Variants in ODR4 observed in about 807,000 individuals in gnomAD.
The protein encoded by ODR4 is protein odr-4 homolog.
A neutral mutation model predicts 60.2 loss-of-function variants in ODR4; 47 were observed. That is an observed-to-expected ratio of 0.78 (90% CI 0.62 to 1.00). ODR4 has a LOEUF of 1.00. Among genes scored for constraint, ODR4 ranks in the 50% least tolerant of loss-of-function variants. The pLI is 0.00. For synonymous variants in ODR4, 178 were observed against 175.5 expected (o/e 1.01, Z -0.11); for missense variants, 488 against 530.8 (o/e 0.92, Z 0.79).
intron 12 of ODR4, among the ~76,000 whole-genome samples, chr1:186,412,824 T>G (rs1661423159): frequency 6.6e-6 from 1 of 151,326 alleles, no homozygotes; most frequent in Admixed American, 6.6e-5. Context: ...AAATGCTTTC[T>G]AAACAGAAAG....
intron 9 of ODR4, among the ~76,000 whole-genome samples, chr1:186,396,760 T>TAG (rs879338626): frequency 0.037 from 4,316 of 117,128 alleles, 83 homozygotes; most frequent in Non-Finnish European, 0.046. Flanking sequence ...TAGATAGATA[T>TAG]ATGTATATAC....
At chr1:186,381,284 C>A (rs535658545) in intron 2 of ODR4, among the ~76,000 whole-genome samples, 1 of 151,910 alleles carries the variant, frequency 6.6e-6, no homozygotes, top group South Asian at 2.1e-4. Context: ...AAAGCTCAGG[C>A]AAACTGCCAT....
At chr1:186,404,169 A>G (rs1661089170) in intron 11 of ODR4, among the ~76,000 whole-genome samples, 1 of 152,178 alleles carries the variant, frequency 6.6e-6, no homozygotes, top group East Asian at 1.9e-4. Context: ...CTTTATTCAG[A>G]TAATGTTGAA....
At chr1:186,416,334 G>A (rs1377555341) in intron 12 of ODR4, among the ~76,000 whole-genome samples, 5 of 152,110 alleles carry the variant, frequency 3.3e-5, no homozygotes, top group South Asian at 4.2e-4. Flanking sequence ...TCAGGAGTCC[G>A]AGACCAGCCT....
chr1:186,380,575 C>A (rs1388737374), intron 2 of ODR4, among the ~76,000 whole-genome samples: 70 of 129,724 alleles, frequency 5.4e-4, no homozygotes, highest in South Asian at 7.5e-4. Flanking sequence ...AGTACAAAGC[C>A]AAAAAAAAAA....
chr1:186,386,451 A>G (rs1176244888), intron 4 of ODR4, among the ~76,000 whole-genome samples: 1 of 152,154 alleles, frequency 6.6e-6, no homozygotes, highest in Non-Finnish European at 1.5e-5. Context: ...ACCATGACTA[A>G]TGACAGTAAT....
downstream of ODR4, among the ~76,000 whole-genome samples, chr1:186,426,041 T>G (rs1661875142): frequency 6.6e-6 from 1 of 152,204 alleles, no homozygotes. Context: ...ATGTTTTCCC[T>G]TTAGCAATTG....
At chr1:186,426,094 A>C (rs1661876007), downstream of ODR4, among the ~76,000 whole-genome samples, 1 of 152,144 alleles carries the variant, frequency 6.6e-6, no homozygotes. Context: ...CTGCAAATGA[A>C]AGTGTTGCCT....
intron 13 of ODR4, 119 bp downstream of exon 13, chr1:186,417,773 T>C: frequency 1.6e-6 from 1 of 623,412 alleles, no homozygotes; most frequent in East Asian, 2.9e-5. Context: ...TAACAGTATT[T>C]ATTGGGTATT....
chr1:186,423,332 TGTAAA>T (rs1218479430), downstream of ODR4, among the ~76,000 whole-genome samples: 3 of 151,690 alleles, frequency 2.0e-5, no homozygotes, highest in South Asian at 6.2e-4. Context: ...TACTAACACT[TGTAAA>T]GTCAAAAGCA....
intron 9 of ODR4, among the ~76,000 whole-genome samples, chr1:186,397,334 G>T (rs1660721137): frequency 6.6e-6 from 1 of 152,034 alleles, no homozygotes; most frequent in African/African-American, 2.4e-5. Flanking sequence ...AATTGATTTG[G>T]TTGTTGAATG....
At chr1:186,413,383 AT>A (rs1255275872) in intron 12 of ODR4, among the ~76,000 whole-genome samples, 2 of 152,150 alleles carry the variant, frequency 1.3e-5, no homozygotes, top group Non-Finnish European at 2.9e-5. Context: ...AGTAGTTGCT[AT>A]GTTTAAAATA....
At chr1:186,433,142 A>G in the ODR4 span, among the ~76,000 whole-genome samples, 47 of 152,180 alleles carry the variant, frequency 3.1e-4, no homozygotes, top group African/African-American at 1.1e-3. Flanking sequence ...TATCTATAAA[A>G]TTTATATTAA....
At chr1:186,381,388 G>T (rs966389022) in intron 2 of ODR4, among the ~76,000 whole-genome samples, 18 of 150,882 alleles carry the variant, frequency 1.2e-4, no homozygotes, top group Non-Finnish European at 1.9e-4. Flanking sequence ...GTGCAGTGGC[G>T]CAATCTCGGC....
chr1:186,417,447 G>C lies in ODR4; in HGVS notation c.1187-97G>C, dbSNP rs552267085. ...ATAAAAAACAAGTAGAAAGAAAATG[G>C]TGATGATCGTATAGTTTTTTATAAT... On this transcript the variant is annotated intron_variant, in intron 12 of 13. Coordinates refer to ENST00000287859, the MANE Select transcript of ODR4 (RefSeq NM_017847.6). 1.3e-5 allele frequency: 9 copies of C among 703,854 alleles called. No individual in the cohort carries two copies. In the East Asian group the frequency reaches 1.4e-4, roughly 11 times the overall value. The allele number at this position is 703,854 out of a possible 1,614,324, so 43.6% of individuals were successfully genotyped here.
At chr1:186,425,833 T>C (rs1481306263), downstream of ODR4, among the ~76,000 whole-genome samples, 2 of 152,228 alleles carry the variant, frequency 1.3e-5, no homozygotes, top group African/African-American at 4.8e-5. Context: ...GGTGATTTCT[T>C]CCTTGAGAAC....
chr1:186,416,238 A>G (rs958978727), intron 12 of ODR4, among the ~76,000 whole-genome samples: 6 of 152,190 alleles, frequency 3.9e-5, no homozygotes, highest in Admixed American at 2.0e-4. Flanking sequence ...AAAACCACCA[A>G]TAATGATATA....
chr1:186,397,677 A>G (rs915185215), intron 9 of ODR4, among the ~76,000 whole-genome samples: 4 of 152,184 alleles, frequency 2.6e-5, no homozygotes, highest in African/African-American at 9.6e-5. Flanking sequence ...TAGATTAGGG[A>G]TGCTCAACCT....
chr1:186,388,346 C>A, intron 4 of ODR4, 96 bp from the exon 5 acceptor site: 1 of 642,484 alleles, frequency 1.6e-6, no homozygotes, highest in Non-Finnish European at 2.6e-6. Context: ...AATTTTAAAG[C>A]TAAATGAGAG....
Sources: gnomAD v4.1 joint callset for allele counts (sites outside exome capture counted in the v4.1 genomes callset) on GRCh38, gnomAD v4.1.1 for gene constraint, MANE v1.5 for transcripts, NCBI Gene and HGNC (gene_info 2026-07-23, HGNC 2026-07-21) for gene names.